The following TSC22D1 variants were observed in gnomAD, a reference collection of about 807,000 sequenced individuals.
The protein encoded by TSC22D1 is TSC22 domain family member 1.
In TSC22D1, 9 loss-of-function variants were observed where a neutral mutation model predicts 74.2. The observed-to-expected ratio is 0.12, with a 90% CI of 0.07 to 0.21. The LOEUF (loss-of-function observed/expected upper bound fraction) is 0.21. Among genes scored for constraint, TSC22D1 ranks in the 10% least tolerant of loss-of-function variants. The pLI is 1.00. For missense variants in TSC22D1, 1,427 were observed against 1,304.7 expected (o/e 1.09, Z -1.44); for synonymous variants, 586 against 492.5 (o/e 1.19, Z -2.51).
At chr13:44,494,613 A>T (rs1446859212) in intron 1 of TSC22D1, among the ~76,000 whole-genome samples, 1 of 151,984 alleles carries the variant, frequency 6.6e-6, no homozygotes, top group Non-Finnish European at 1.5e-5. Flanking sequence ...CACACAAGCA[A>T]CAAAAACAAA....
At chr13:44,457,520 T>A (rs1876732699) in intron 1 of TSC22D1, among the ~76,000 whole-genome samples, 1 of 149,686 alleles carries the variant, frequency 6.7e-6, no homozygotes, top group South Asian at 2.1e-4. Flanking sequence ...AAACAACGCA[T>A]GGAAATAAAA....
intron 1 of TSC22D1, among the ~76,000 whole-genome samples, chr13:44,526,929 C>G (rs547857561): frequency 1.3e-5 from 2 of 152,164 alleles, no homozygotes. Flanking sequence ...CAAAAAGATA[C>G]TTAAAGAAGC....
intron 1 of TSC22D1, among the ~76,000 whole-genome samples, chr13:44,449,486 C>T (rs1595085158): frequency 6.6e-6 from 1 of 152,152 alleles, no homozygotes; most frequent in Non-Finnish European, 1.5e-5. Context: ...GCTGCGTCCC[C>T]AAGGCTTGTG....
intron 1 of TSC22D1, among the ~76,000 whole-genome samples, chr13:44,509,950 C>CAAAAAAAAAAAAAAA: frequency 2.3e-4 from 12 of 51,436 alleles, no homozygotes; most frequent in East Asian, 1.1e-3. Context: ...AGAAAATAAG[C>CAAAAAAAAAAAAAAA]AAAAAAAAAA....
At chr13:44,469,963 TATG>T (rs1440106692) in intron 1 of TSC22D1, among the ~76,000 whole-genome samples, 1 of 152,118 alleles carries the variant, frequency 6.6e-6, no homozygotes, top group Non-Finnish European at 1.5e-5. Context: ...AGGGGGGAAA[TATG>T]ATGATTTATG....
chr13:44,539,376 G>A (rs572154742), intron 1 of TSC22D1: 195 of 985,332 alleles, frequency 2.0e-4, no homozygotes, highest in Non-Finnish European at 2.3e-4. Flanking sequence ...ACATGTGACT[G>A]TATAAATTAG....
chr13:44,463,669 G>A (rs1026629532), intron 1 of TSC22D1, among the ~76,000 whole-genome samples: 2 of 152,040 alleles, frequency 1.3e-5, no homozygotes, highest in Non-Finnish European at 2.9e-5. Context: ...AAATGTATTT[G>A]CAAATTAATG....
At chr13:44,524,548 T>TTTTG (rs949025753) in intron 1 of TSC22D1, among the ~76,000 whole-genome samples, 2 of 152,148 alleles carry the variant, frequency 1.3e-5, no homozygotes, top group Non-Finnish European at 2.9e-5. Context: ...CCATGATTTT[T>TTTTG]TTTGTTTGTT....
chr13:44,446,775 A>AGAG (rs147757474), intron 1 of TSC22D1, among the ~76,000 whole-genome samples: 4 of 132,370 alleles, frequency 3.0e-5, no homozygotes, highest in East Asian at 2.2e-4. Context: ...AAGAGGAAGA[A>AGAG]GAGGAAGAAG....
intron 1 of TSC22D1, among the ~76,000 whole-genome samples, chr13:44,549,633 C>G (rs565508083): frequency 6.6e-6 from 1 of 151,756 alleles, no homozygotes; most frequent in African/African-American, 2.4e-5. Flanking sequence ...GGCATGGTTG[C>G]GCACACCTGT....
intron 1 of TSC22D1, among the ~76,000 whole-genome samples, chr13:44,488,465 C>G (rs1018510806): frequency 5.3e-5 from 8 of 152,100 alleles, no homozygotes; most frequent in African/African-American, 1.9e-4. Context: ...TCCACTGTGA[C>G]TACCAGCCAT....
chr13:44,451,936 G>A (rs73463697), intron 1 of TSC22D1, among the ~76,000 whole-genome samples: 2,293 of 152,302 alleles, frequency 0.015, 46 homozygotes, highest in African/African-American at 0.052. Context: ...CCCTGGCAAG[G>A]ACACCCCTGT....
chr13:44,531,944 TTAATTA>T lies in TSC22D1; in HGVS notation c.2912+41213_2912+41218del, dbSNP rs148428121. Among the ~76,000 whole-genome samples, 237 of 152,330 alleles carry T rather than the reference TTAATTA, an allele frequency of 1.6e-3. 1 individual carries two copies. Among genetic ancestry groups the T allele is most frequent in the African/African-American group, 5.5e-3 (229 of 41,572 alleles). ...TATGTCCTACACTTTTCCACTAATT[TTAATTA>T]TGTTACTAAACTCAAGTTTATTTTC... On this transcript the variant is annotated intron_variant, in intron 1 of 2. Transcript: ENST00000458659.
intron 1 of TSC22D1, among the ~76,000 whole-genome samples, chr13:44,445,216 TAC>T (rs55714213): frequency 0.045 from 6,572 of 144,636 alleles, 293 homozygotes; most frequent in East Asian, 0.14. Context: ...AGGTCAAAGA[TAC>T]ACACACACAC....
chr13:44,453,667 G>C (rs1876338252), intron 1 of TSC22D1, among the ~76,000 whole-genome samples: 2 of 152,128 alleles, frequency 1.3e-5, no homozygotes, highest in Non-Finnish European at 2.9e-5. Context: ...CCAAAAAGTG[G>C]GCTATTTCTA....
intron 1 of TSC22D1, among the ~76,000 whole-genome samples, chr13:44,480,680 T>C (rs1461888986): frequency 6.6e-6 from 1 of 152,162 alleles, no homozygotes; most frequent in Non-Finnish European, 1.5e-5. Flanking sequence ...TCCAAGTAGA[T>C]ATGTTCACAG....
Position 44,517,857 on chromosome 13 carries a change from A to ATTTTTTTT in TSC22D1, c.2912+55298_2912+55305dup, listed in dbSNP as rs71070912. On this transcript the variant is annotated intron_variant, in intron 1 of 2. Transcript: ENST00000458659. ...TATATATATATATATATATATATATATTTTTTTTTTTTTTTTTTTTTTAAC... is the reference window on the plus strand; with the variant it reads ...TATATATATATATATATATATATATATTTTTTTTTTTTTTTTTTTTTTTTTTTTTTAAC... Among the ~76,000 whole-genome samples the ATTTTTTTT allele has an allele frequency of 1.9e-3, 30 of 16,172 alleles. 4 individuals carry two copies. Among genetic ancestry groups the ATTTTTTTT allele is most frequent in the Non-Finnish European group, 2.5e-3 (18 of 7,182 alleles). The allele number at this position is 16,172 out of a possible 152,430, so 10.6% of individuals were successfully genotyped here.
In TSC22D1 at chr13:44,433,995, A is replaced by T. The variant is rs190374603; in HGVS notation, c.*631T>A. ...TACACAAATATACAATAAGCAAAAC[A>T]ACCTTCATGGTAAGATAGCCTAGGT... On this transcript the variant is annotated 3_prime_UTR_variant, in exon 3 of 3. Coordinates refer to ENST00000458659, the MANE Select transcript of TSC22D1 (RefSeq NM_183422.4). 7.6e-5 allele frequency: 117 copies of T among 1,534,412 alleles called. No homozygotes were observed. Among genetic ancestry groups the T allele is most frequent in the Non-Finnish European group, 9.0e-5 (103 of 1,146,594 alleles).
intron 1 of TSC22D1, among the ~76,000 whole-genome samples, chr13:44,554,088 A>C (rs1449197329): frequency 6.6e-6 from 1 of 152,246 alleles, no homozygotes; most frequent in Non-Finnish European, 1.5e-5. Context: ...ACTCTTACTT[A>C]GCACAGTAAT....
Sources: gnomAD v4.1 joint callset for allele counts (sites outside exome capture counted in the v4.1 genomes callset) on GRCh38, gnomAD v4.1.1 for gene constraint, MANE v1.5 for transcripts, NCBI Gene and HGNC (gene_info 2026-07-23, HGNC 2026-07-21) for gene names.